The following RFTN2 variants were observed in gnomAD, a reference collection of about 807,000 sequenced individuals.
The protein encoded by RFTN2 is raftlin-2.
A neutral mutation model predicts 52.7 loss-of-function variants in RFTN2; 34 were observed. The ratio of observed to expected loss-of-function variants is 0.64; its 90% CI spans 0.49 to 0.86. RFTN2 has a LOEUF of 0.86. RFTN2 is among the 40% of genes least tolerant of loss of function. RFTN2 has a pLI of 0.00. For missense variants in RFTN2, 536 were observed against 600.1 expected, an observed-to-expected ratio of 0.89 and a Z score of 1.12; for synonymous variants, 203 against 217.7, an observed-to-expected ratio of 0.93 and a Z score of 0.59.
chr2:197,665,517 C>CTTTTTTTTTTTTTTTTTTTTTTTTTT lies in RFTN2; in HGVS notation c.139+9802_139+9803insAAAAAAAAAAAAAAAAAAAAAAAAAA. ...ATTCCTTTATCATTATGTACCTTGC[C>CTTTTTTTTTTTTTTTTTTTTTTTTTT]TTTTTTTTTTTTTTTTACTGTTTTC... On this transcript the variant is annotated intron_variant, in intron 1 of 8. Transcript: ENST00000295049. Among the ~76,000 whole-genome samples, 21 of 41,490 alleles carry CTTTTTTTTTTTTTTTTTTTTTTTTTT rather than the reference C, an allele frequency of 5.1e-4. 2 individuals are homozygous for CTTTTTTTTTTTTTTTTTTTTTTTTTT. Among genetic ancestry groups the CTTTTTTTTTTTTTTTTTTTTTTTTTT allele is most frequent in the African/African-American group, 7.1e-4 (5 of 7,078 alleles). 27.2% of individuals were successfully genotyped at this position (41,490 alleles called of 152,430 possible). A position where few individuals can be genotyped will look rare whatever the true frequency, so the allele number is the denominator to read the frequency against.
rs2088262965 is a variant in RFTN2, at chr2:197,621,402, T to TTG, written c.929-3482_929-3481insCA. On this transcript the variant is annotated intron_variant, in intron 5 of 8. Transcript: ENST00000295049. ...CTTTACTGTGTTTTGCAGATACCGG[T>TTG]TTTTTTTTTTTTTTTTCAAATTGAA... 4.6e-4 allele frequency among the ~76,000 whole-genome samples: 8 copies of TTG among 17,308 alleles called. No individual in the cohort carries two copies. The South Asian group carries it at 0.016, about 35-fold the overall frequency. The allele number at this position is 17,308 out of a possible 152,430, so 11.4% of individuals were successfully genotyped here.
At chr2:197,630,953 T>G (rs1201546838) in intron 5 of RFTN2, 58 bp downstream of exon 5, 1 of 1,172,848 alleles carries the variant, frequency 8.5e-7, no homozygotes, top group African/African-American at 1.5e-5. Flanking sequence ...ACATTTTCAC[T>G]GATTTTGATA....
chr2:197,581,505 C>T (rs970724062), intron 8 of RFTN2, among the ~76,000 whole-genome samples: 1 of 152,204 alleles, frequency 6.6e-6, no homozygotes, highest in Non-Finnish European at 1.5e-5. Flanking sequence ...TTCAGCCAAG[C>T]TCTTTCTCAT....
At position 197,568,872 on chromosome 2, in the gene RFTN2, A is replaced by G. The variant is rs1472250523; in HGVS notation, c.*3136T>C. On this transcript the variant is annotated 3_prime_UTR_variant, in exon 9 of 9. Transcript: ENST00000295049. ...AAATGAAAATGCATCTGTTACATTT[A>G]TATTCAAATATATAAACACCTGCTC... 6.6e-6 allele frequency: 1 copy of G among 152,216 alleles called. No individual in the cohort carries two copies. Among genetic ancestry groups the G allele is most frequent in the Non-Finnish European group, 1.5e-5 (1 of 68,040 alleles). 9.4% of individuals were successfully genotyped at this position (152,216 alleles called of 1,614,324 possible).
At chr2:197,579,182 G>A (rs1242662496) in intron 8 of RFTN2, among the ~76,000 whole-genome samples, 1 of 152,184 alleles carries the variant, frequency 6.6e-6, no homozygotes, top group African/African-American at 2.4e-5. Flanking sequence ...CGTTTCAGAG[G>A]TGTCTGATCA....
In RFTN2 at chr2:197,657,729, T is replaced by A. The variant is rs1008752933; in HGVS notation, c.140-11063A>T. The stretch of plus-strand genomic sequence containing the variant: ...TTGTCCTCATTATTGGGACCTGATG[T>A]AAACAAAAGGAGTGTAAACATTGGG... On this transcript the variant is annotated intron_variant, in intron 1 of 8. Coordinates refer to ENST00000295049, the MANE Select transcript of RFTN2 (RefSeq NM_144629.3). Among the ~76,000 whole-genome samples, 11 of 152,186 alleles carry A rather than the reference T, an allele frequency of 7.2e-5. 1 individual carries two copies. Among genetic ancestry groups the A allele is most frequent in the Admixed American group, 6.5e-4 (10 of 15,276 alleles).
intron 7 of RFTN2, among the ~76,000 whole-genome samples, chr2:197,598,058 T>A (rs1248363309): frequency 2.0e-5 from 3 of 152,172 alleles, no homozygotes; most frequent in African/African-American, 7.2e-5. Flanking sequence ...TTCATGCCTG[T>A]AATCCTAGCA....
intron 1 of RFTN2, among the ~76,000 whole-genome samples, chr2:197,664,930 C>T (rs79669374): frequency 0.015 from 2,303 of 152,186 alleles, 47 homozygotes; most frequent in African/African-American, 0.052. Flanking sequence ...GTCTAACGTC[C>T]GGTTTAAATC....
At chr2:197,587,560 G>A (rs1181454117) in intron 8 of RFTN2, among the ~76,000 whole-genome samples, 2 of 149,486 alleles carry the variant, frequency 1.3e-5, no homozygotes, top group African/African-American at 2.5e-5. Context: ...AACCCCCTTT[G>A]ACTGTAATTT....
At chr2:197,590,791 G>C (rs1298550886) in intron 8 of RFTN2, among the ~76,000 whole-genome samples, 1 of 152,212 alleles carries the variant, frequency 6.6e-6, no homozygotes, top group Non-Finnish European at 1.5e-5. Context: ...GTTCCTCCCG[G>C]TGGGTTCGTG....
At chr2:197,616,883 G>T (rs571097699) in intron 6 of RFTN2, among the ~76,000 whole-genome samples, 1 of 152,144 alleles carries the variant, frequency 6.6e-6, no homozygotes, top group African/African-American at 2.4e-5. Flanking sequence ...ACCTGTGTAA[G>T]GTCAGAAAGG....
In RFTN2 at chr2:197,622,604, C is replaced by T. The variant is rs572183502; in HGVS notation, c.929-4683G>A. Among the ~76,000 whole-genome samples, 72 of 152,294 alleles carry T rather than the reference C, an allele frequency of 4.7e-4. 2 individuals carry two copies. The South Asian group carries it at 8.3e-3, about 18-fold the overall frequency. Reference sequence around the variant, plus strand: ...TACAGGCGTGAGCCACTGCGCCTGGCCTAAAACTATAGATTTTCAGCGTCA... The same window carrying T: ...TACAGGCGTGAGCCACTGCGCCTGGTCTAAAACTATAGATTTTCAGCGTCA... On this transcript the variant is annotated intron_variant, in intron 5 of 8. Transcript: ENST00000295049.
chr2:197,658,069 T>C (rs2088918149), intron 1 of RFTN2, among the ~76,000 whole-genome samples: 1 of 152,206 alleles, frequency 6.6e-6, no homozygotes, highest in African/African-American at 2.4e-5. Flanking sequence ...GCTCAGTGTT[T>C]GAGGCCAAGT....
chr2:197,601,551 CTGCATTAGCTCTACAAGCAAA>C (rs1311335253), intron 7 of RFTN2, among the ~76,000 whole-genome samples: 2 of 151,952 alleles, frequency 1.3e-5, no homozygotes, highest in Non-Finnish European at 2.9e-5. Context: ...TTCTACAATA[CTGCATTAGCTCTACAAGCAAA>C]TGTAGAGTGA....
In RFTN2 at chr2:197,590,705, C is replaced by T. The variant is rs57046332; in HGVS notation, c.1233+5286G>A. On this transcript the variant is annotated intron_variant, in intron 8 of 8. Transcript: ENST00000295049. ...CTTCCTTCTGGTGGGTTCGTGGTCTCGCTGGTTCAGGAATGAACCCGCAGA... is the reference window on the plus strand; with the variant it reads ...CTTCCTTCTGGTGGGTTCGTGGTCTTGCTGGTTCAGGAATGAACCCGCAGA... Among the ~76,000 whole-genome samples, 6 of 151,870 alleles carry T rather than the reference C, an allele frequency of 4.0e-5. No homozygotes were observed. The South Asian group carries it at 8.3e-4, about 21-fold the overall frequency.
intron 1 of RFTN2, among the ~76,000 whole-genome samples, chr2:197,651,896 C>G (rs547597855): frequency 6.6e-6 from 1 of 152,104 alleles, no homozygotes; most frequent in Non-Finnish European, 1.5e-5. Flanking sequence ...ACCTAAAAAG[C>G]AATGATGGTG....
intron 7 of RFTN2, among the ~76,000 whole-genome samples, chr2:197,596,562 T>C (rs1482541103): frequency 6.6e-6 from 1 of 152,250 alleles, no homozygotes; most frequent in Non-Finnish European, 1.5e-5. Context: ...TCTTTTATTA[T>C]TGGAAAATAA....
intron 1 of RFTN2, among the ~76,000 whole-genome samples, chr2:197,659,737 A>G (rs927869562): frequency 5.3e-5 from 8 of 151,910 alleles, no homozygotes; most frequent in African/African-American, 1.9e-4. Flanking sequence ...GAATTGCTTG[A>G]ACCAGGGAGG....
At position 197,587,969 on chromosome 2, in the gene RFTN2, G is replaced by A. The variant is rs769007357; in HGVS notation, c.1233+8022C>T. 7 of 470,560 alleles carry A rather than the reference G, an allele frequency of 1.5e-5. 1 individual carries two copies. The highest frequency in any genetic ancestry group is 1.1e-4 in the South Asian group (7 of 64,374). The allele number at this position is 470,560 out of a possible 1,614,324, so 29.1% of individuals were successfully genotyped here. ...TCCAAGGTCATGAATAGCTGGCCCG[G>A]AACTGTAGCCCAAGTCTCTTACCTT... On this transcript the variant is annotated intron_variant, in intron 8 of 8. Coordinates refer to ENST00000295049, the MANE Select transcript of RFTN2 (RefSeq NM_144629.3).
Sources: allele counts gnomAD v4.1 joint callset (sites outside exome capture counted in the v4.1 genomes callset), GRCh38; gene constraint gnomAD v4.1.1; transcripts MANE v1.5; gene names NCBI Gene and HGNC (gene_info 2026-07-23, HGNC 2026-07-21).